The following ZC3H3 variants were observed in gnomAD, a reference collection of about 807,000 sequenced individuals.
ZC3H3 encodes the protein zinc finger CCCH-type containing 3.
ZC3H3 carries 36 observed loss-of-function variants against 77.3 expected under a neutral mutation model. That is an observed-to-expected ratio of 0.47 (90% CI 0.36 to 0.61). The LOEUF (loss-of-function observed/expected upper bound fraction) is 0.61, where lower values mean the gene tolerates loss of function less well. Ranked by LOEUF, ZC3H3 falls within the 20% of genes least tolerant of loss-of-function variation. The pLI is 0.00. For synonymous variants in ZC3H3, 626 were observed against 555.2 expected, an observed-to-expected ratio of 1.13 and a Z score of -1.79; for missense variants, 1,331 against 1,312.2, an observed-to-expected ratio of 1.01 and a Z score of -0.22.
rs1484962318 is a variant in ZC3H3, at chr8:143,536,334, T to C, written c.1484A>G (p.Asn495Ser). Residue 495 changes from asparagine to serine, a missense_variant, in exon 3 of 12, where the codon AAC becomes AGC. Transcript: ENST00000262577. The part of the protein sequence containing the change: ...KSSPVLKKTP[N>S]KGLVQVTTHR... ...CGTGGTGACCTGTACCAGGCCCTTG[T>C]TGGGGGTCTTCTTCAGGACAGGGCT... The C allele has an allele frequency of 1.2e-6, 2 of 1,610,936 alleles. No individual in the cohort carries two copies. The highest frequency in any genetic ancestry group is 2.2e-5 in the South Asian group (2 of 90,340).
chr8:143,439,423 G>T (rs1192166748), intron 11 of ZC3H3, among the ~76,000 whole-genome samples: 1 of 152,154 alleles, frequency 6.6e-6, no homozygotes, highest in Non-Finnish European at 1.5e-5. Flanking sequence ...GGGGTTTATC[G>T]TCACTCAAAC....
chr8:143,495,885 A>G (rs73715635), intron 4 of ZC3H3, among the ~76,000 whole-genome samples: 2,948 of 151,966 alleles, frequency 0.019, 87 homozygotes, highest in African/African-American at 0.067. Flanking sequence ...TACAGGTGCA[A>G]GCCACTGCGC....
intron 4 of ZC3H3, among the ~76,000 whole-genome samples, chr8:143,492,734 T>G (rs529319275): frequency 1.4e-5 from 2 of 147,268 alleles, no homozygotes; most frequent in Admixed American, 1.3e-4. Context: ...AGGGGCTCCC[T>G]CCTCAGGCTC....
chr8:143,489,652 T>C (rs532283285), intron 4 of ZC3H3, among the ~76,000 whole-genome samples: 2 of 152,356 alleles, frequency 1.3e-5, no homozygotes, highest in South Asian at 2.1e-4. Flanking sequence ...CTATGCTTTA[T>C]GGCTTTCTTA....
At chr8:143,502,368 G>A (rs1821551979) in intron 4 of ZC3H3, among the ~76,000 whole-genome samples, 2 of 152,256 alleles carry the variant, frequency 1.3e-5, no homozygotes, top group African/African-American at 2.4e-5. Flanking sequence ...GCGCAGCATC[G>A]CAGTGAGGAC....
At chr8:143,499,117 G>A (rs1325680560) in intron 4 of ZC3H3, among the ~76,000 whole-genome samples, 3 of 152,128 alleles carry the variant, frequency 2.0e-5, no homozygotes, top group Admixed American at 2.0e-4. Flanking sequence ...CAAGCCCAAG[G>A]TTGCAAACAC....
chr8:143,529,573 C>T (rs766696037), intron 3 of ZC3H3, among the ~76,000 whole-genome samples: 1 of 152,194 alleles, frequency 6.6e-6, no homozygotes, highest in South Asian at 2.1e-4. Flanking sequence ...CAGGAGGCAG[C>T]GTTCCAGGAA....
intron 3 of ZC3H3, among the ~76,000 whole-genome samples, chr8:143,520,602 G>A (rs1822211064): frequency 6.6e-6 from 1 of 152,236 alleles, no homozygotes; most frequent in Admixed American, 6.5e-5. Flanking sequence ...CTTCTGGCTG[G>A]AGCCAAGTTT....
At chr8:143,532,516 C>G (rs1345094340) in intron 3 of ZC3H3, among the ~76,000 whole-genome samples, 3 of 152,260 alleles carry the variant, frequency 2.0e-5, no homozygotes, top group African/African-American at 7.2e-5. Context: ...AATGAAGGAG[C>G]AGTCCCACCT....
chr8:143,518,210 T>G (rs1445395879), intron 3 of ZC3H3, among the ~76,000 whole-genome samples: 3 of 151,922 alleles, frequency 2.0e-5, no homozygotes, highest in African/African-American at 7.3e-5. Flanking sequence ...CACTGGGCAG[T>G]CCAGGCTGGA....
At chr8:143,532,467 G>A (rs1183390533) in intron 3 of ZC3H3, among the ~76,000 whole-genome samples, 2 of 152,252 alleles carry the variant, frequency 1.3e-5, no homozygotes, top group African/African-American at 4.8e-5. Flanking sequence ...CTAAGCTTTT[G>A]CTGGGCAGAA....
chr8:143,465,633 C>T, intron 9 of ZC3H3, 84 bp downstream of exon 9: 1 of 1,567,010 alleles, frequency 6.4e-7, no homozygotes, highest in Non-Finnish European at 8.7e-7. Context: ...GGTCATCCAG[C>T]CACCACGGCA....
rs116413804 is a variant in ZC3H3, at chr8:143,497,335, C to T, written c.1715+10411G>A. Among the ~76,000 whole-genome samples, 1,293 of 152,266 alleles carry T rather than the reference C, an allele frequency of 8.5e-3. 16 individuals are homozygous for T. The highest frequency in any genetic ancestry group is 0.03 in the African/African-American group (1,231 of 41,550). On this transcript the variant is annotated intron_variant, in intron 4 of 11. Coordinates refer to ENST00000262577, the MANE Select transcript of ZC3H3 (RefSeq NM_015117.3). ...GCATCCACCTGTCCATCAAGCAGCA[C>T]CGCCTTCCCAATCCCCCCCAACCCC... is the stretch of plus-strand genomic sequence containing the variant.
At chr8:143,464,830 C>T (rs1344370705) in intron 9 of ZC3H3, among the ~76,000 whole-genome samples, 1 of 152,150 alleles carries the variant, frequency 6.6e-6, no homozygotes, top group African/African-American at 2.4e-5. Flanking sequence ...GGCCCCTCCC[C>T]AGCCTGAGCC....
At position 143,493,792 on chromosome 8, in the gene ZC3H3, G is replaced by C. The variant is rs781087083; in HGVS notation, c.1715+13954C>G. Among the ~76,000 whole-genome samples, 5 of 152,152 alleles carry C rather than the reference G, an allele frequency of 3.3e-5. No homozygotes were observed. Among genetic ancestry groups the C allele is most frequent in the Non-Finnish European group, 5.9e-5 (4 of 68,042 alleles). On this transcript the variant is annotated intron_variant, in intron 4 of 11. Coordinates refer to ENST00000262577, the MANE Select transcript of ZC3H3 (RefSeq NM_015117.3). The surrounding 1 kb of genome is among the most constrained non-coding windows in gnomAD (Gnocchi z 4.8). ...TCCTTAATGAGCAGCCGAAGGGATC[G>C]GTAAGCATAATTTCAGAGGCCAGTA... is the stretch of plus-strand genomic sequence containing the variant.
intron 3 of ZC3H3, among the ~76,000 whole-genome samples, chr8:143,531,688 A>G (rs776002458): frequency 1.3e-5 from 2 of 152,206 alleles, no homozygotes; most frequent in Non-Finnish European, 2.9e-5. Context: ...TATGCGCCAA[A>G]ATAAAAAATG....
At chr8:143,480,561 A>C (rs1409982557) in intron 4 of ZC3H3, among the ~76,000 whole-genome samples, 1 of 152,234 alleles carries the variant, frequency 6.6e-6, no homozygotes, top group Non-Finnish European at 1.5e-5. Flanking sequence ...CAGTGCATGC[A>C]CAGCAAGCAG....
At chr8:143,532,122 T>C (rs1822631425) in intron 3 of ZC3H3, among the ~76,000 whole-genome samples, 1 of 152,290 alleles carries the variant, frequency 6.6e-6, no homozygotes, top group Non-Finnish European at 1.5e-5. Flanking sequence ...GCGTTTTATC[T>C]GCCACTTGAA....
At chr8:143,449,748 A>G (rs1819942626) in intron 9 of ZC3H3, among the ~76,000 whole-genome samples, 2 of 152,056 alleles carry the variant, frequency 1.3e-5, no homozygotes, top group African/African-American at 4.8e-5. Flanking sequence ...CAAACAAAAC[A>G]AAACAAAACA....
Sources: gnomAD v4.1 joint callset for allele counts (sites outside exome capture counted in the v4.1 genomes callset) on GRCh38, gnomAD v4.1.1 for gene constraint, Gnocchi (gnomAD v3.1) non-coding constraint, MANE v1.5 for transcripts, NCBI Gene and HGNC (gene_info 2026-07-23, HGNC 2026-07-21) for gene names.